TRAPPC9: variants seen among roughly 807,000 people sequenced by gnomAD.
TRAPPC9 encodes IKK2 binding protein.
Under a neutral mutation model 124.0 loss-of-function variants are expected in TRAPPC9, and 83 were observed. That is an observed-to-expected ratio of 0.67 (90% CI 0.56 to 0.80). TRAPPC9 has a LOEUF of 0.80. TRAPPC9 is among the 30% of genes least tolerant of loss of function. TRAPPC9 has a pLI of 0.00. For synonymous variants in TRAPPC9, 638 were observed against 617.5 expected (o/e 1.03, Z -0.49); for missense variants, 1,302 against 1,508.3 (o/e 0.86, Z 2.27).
chr8:140,129,001 A>G (rs2061151188), intron 17 of TRAPPC9, among the ~76,000 whole-genome samples: 1 of 136,260 alleles, frequency 7.3e-6, no homozygotes, highest in African/African-American at 2.7e-5. Flanking sequence ...ATATATATAT[A>G]TATTAAAAAA....
intron 4 of TRAPPC9, among the ~76,000 whole-genome samples, chr8:140,429,121 G>A (rs1259593697): frequency 2.7e-5 from 4 of 147,150 alleles, no homozygotes; most frequent in East Asian, 2.0e-4. Context: ...TCACTCTGTC[G>A]CCCAGGCTGG....
At chr8:140,274,719 G>C (rs942958599) in intron 15 of TRAPPC9, among the ~76,000 whole-genome samples, 1 of 152,206 alleles carries the variant, frequency 6.6e-6, no homozygotes, top group African/African-American at 2.4e-5. Flanking sequence ...CAGAGGGTCT[G>C]TGGCTCTACC....
At chr8:140,381,849 T>G (rs982227207) in intron 7 of TRAPPC9, among the ~76,000 whole-genome samples, 1 of 152,170 alleles carries the variant, frequency 6.6e-6, no homozygotes, top group African/African-American at 2.4e-5. Flanking sequence ...CTTCAGACAT[T>G]GCTGGTAGAA....
chr8:140,382,665 C>A (rs1396766092), intron 7 of TRAPPC9, among the ~76,000 whole-genome samples: 1 of 152,208 alleles, frequency 6.6e-6, no homozygotes, highest in Non-Finnish European at 1.5e-5. Flanking sequence ...GGCCGGGAAG[C>A]TTGAACTGGG....
At chr8:139,977,570 A>G (rs551794567) in intron 19 of TRAPPC9, among the ~76,000 whole-genome samples, 2 of 149,188 alleles carry the variant, frequency 1.3e-5, no homozygotes, top group East Asian at 4.1e-4. Flanking sequence ...GAGAGCGGAG[A>G]TCGCGCCACT....
chr8:139,974,165 C>A (rs1836286232), intron 19 of TRAPPC9, among the ~76,000 whole-genome samples: 2 of 152,192 alleles, frequency 1.3e-5, no homozygotes, highest in South Asian at 4.1e-4. Flanking sequence ...GATGGGGAAT[C>A]TGAGATAATA....
chr8:139,835,174 T>C (rs1381641384), intron 21 of TRAPPC9, among the ~76,000 whole-genome samples: 2 of 152,196 alleles, frequency 1.3e-5, no homozygotes, highest in Non-Finnish European at 1.5e-5. Flanking sequence ...GGTTTTTAAA[T>C]AGGGGAGTTG....
At position 140,209,487 on chromosome 8, in the gene TRAPPC9, T is replaced by G. The variant is rs2063005707; in HGVS notation, c.2556+11972A>C. Among the ~76,000 whole-genome samples, 3 of 152,368 alleles carry G rather than the reference T, an allele frequency of 2.0e-5. No individual in the cohort carries two copies. The South Asian group carries it at 6.2e-4, about 32-fold the overall frequency. ...TTAGAATTCCACATGCAGCAGACTC[T>G]CTCTGCATCTCTTACTTCTACATTT... On this transcript the variant is annotated intron_variant, in intron 17 of 22. Transcript: ENST00000438773.
chr8:140,395,435 G>C (rs7844547), intron 7 of TRAPPC9, among the ~76,000 whole-genome samples: 146,502 of 152,282 alleles, frequency 0.96, 70,534 homozygotes, highest in East Asian at 1. Context: ...CTCGTCAAGG[G>C]AAGTGAAGCT....
Position 139,872,960 on chromosome 8 carries a change from A to G in TRAPPC9, c.3055+12919T>C, listed in dbSNP as rs1829098074. Among the ~76,000 whole-genome samples, 2 of 89,132 alleles carry G rather than the reference A, an allele frequency of 2.2e-5. 1 individual carries two copies. Among genetic ancestry groups the G allele is most frequent in the Non-Finnish European group, 4.5e-5 (2 of 44,334 alleles). 58.5% of individuals were successfully genotyped at this position (89,132 alleles called of 152,430 possible). On this transcript the variant is annotated intron_variant, in intron 21 of 22. Coordinates refer to ENST00000438773, the MANE Select transcript of TRAPPC9 (RefSeq NM_001160372.4). ...GGTTGGTGGATGGGTTGGTGGGTAAATGGTTGGTTTGGTGGATAAATGAGT... is the reference window on the plus strand; with the variant it reads ...GGTTGGTGGATGGGTTGGTGGGTAAGTGGTTGGTTTGGTGGATAAATGAGT...
chr8:140,235,885 G>A (rs777473090), intron 16 of TRAPPC9, among the ~76,000 whole-genome samples: 25 of 151,920 alleles, frequency 1.6e-4, no homozygotes, highest in African/African-American at 3.4e-4. Context: ...GTATTTTCAC[G>A]CAATACCATC....
intron 9 of TRAPPC9, 108 bp downstream of exon 9, chr8:140,359,942 C>G (rs1258690516): frequency 6.7e-7 from 1 of 1,482,292 alleles, no homozygotes; most frequent in African/African-American, 1.4e-5. Flanking sequence ...AGCTGGGCAG[C>G]ATCTTCCACC....
chr8:140,335,184 TAGCTTGCATTCTA>T (rs2067001564), intron 9 of TRAPPC9, among the ~76,000 whole-genome samples: 1 of 152,102 alleles, frequency 6.6e-6, no homozygotes, highest in Non-Finnish European at 1.5e-5. Flanking sequence ...GAATGTGATT[TAGCTTGCATTCTA>T]AGGAGGTAAC....
intron 15 of TRAPPC9, among the ~76,000 whole-genome samples, chr8:140,269,553 A>T (rs926835174): frequency 4.4e-5 from 5 of 113,820 alleles, no homozygotes; most frequent in South Asian, 2.6e-4. Context: ...AAAATAAAAT[A>T]AAATAAATAA....
intron 12 of TRAPPC9, among the ~76,000 whole-genome samples, chr8:140,289,851 G>A (rs560635592): frequency 3.3e-5 from 5 of 152,262 alleles, no homozygotes; most frequent in South Asian, 2.1e-4. Context: ...GAGGAGAGGC[G>A]CTCCTCCCGA....
intron 5 of TRAPPC9, among the ~76,000 whole-genome samples, chr8:140,407,808 G>T (rs1445778022): frequency 6.6e-6 from 1 of 152,142 alleles, no homozygotes; most frequent in African/African-American, 2.4e-5. Flanking sequence ...TTTTAGTAGA[G>T]ATGGGGTTTC....
At chr8:139,925,802 AGCACACGCACAC>A (rs1055607324) in intron 19 of TRAPPC9, among the ~76,000 whole-genome samples, 8 of 146,470 alleles carry the variant, frequency 5.5e-5, no homozygotes, top group Admixed American at 1.4e-4. Flanking sequence ...TTGACTACCC[AGCACACGCACAC>A]GCACACGCAC....
At chr8:140,323,705 C>A (rs1434774122) in intron 9 of TRAPPC9, among the ~76,000 whole-genome samples, 1 of 151,510 alleles carries the variant, frequency 6.6e-6, no homozygotes. Context: ...TTCCACAGAA[C>A]AAAATATATT....
chr8:140,152,840 T>G (rs117977024), intron 17 of TRAPPC9, among the ~76,000 whole-genome samples: 1 of 152,238 alleles, frequency 6.6e-6, no homozygotes, highest in African/African-American at 2.4e-5. Context: ...TTGAGGTGAT[T>G]TGACTTCCTC....
Sources: allele counts gnomAD v4.1 joint callset (sites outside exome capture counted in the v4.1 genomes callset), GRCh38; gene constraint gnomAD v4.1.1; transcripts MANE v1.5; gene names NCBI Gene and HGNC (gene_info 2026-07-23, HGNC 2026-07-21).